The following TNC variants were observed in gnomAD, a reference collection of about 807,000 sequenced individuals.
The protein encoded by TNC is tenascin.
In TNC, 109 loss-of-function variants were observed where a neutral mutation model predicts 202.4. The observed-to-expected ratio is 0.54, with a 90% CI of 0.46 to 0.63. The LOEUF (loss-of-function observed/expected upper bound fraction) is 0.63. Among genes scored for constraint, TNC ranks in the 30% least tolerant of loss-of-function variants. The pLI, the probability that TNC is intolerant of heterozygous loss-of-function variation, is 0.00. For synonymous variants in TNC, 1,007 were observed against 1,089.7 expected (o/e 0.92, Z 1.50); for missense variants, 2,756 against 2,833.3 (o/e 0.97, Z 0.62).
intron 9 of TNC, among the ~76,000 whole-genome samples, chr9:115,074,914 C>T (rs992691631): frequency 6.6e-6 from 1 of 152,198 alleles, no homozygotes; most frequent in African/African-American, 2.4e-5. Context: ...ATGCAAGACG[C>T]TACCCTTGGG....
intron 24 of TNC, 77 bp downstream of exon 24, chr9:115,030,177 C>T: frequency 7.0e-7 from 1 of 1,423,644 alleles, no homozygotes; most frequent in South Asian, 1.5e-5. Context: ...GAGGAGATCA[C>T]CCTCTTCTCC....
chr9:115,065,118 G>A (rs899094822), intron 10 of TNC, among the ~76,000 whole-genome samples, 199 bp from the exon 11 acceptor site: 1 of 152,102 alleles, frequency 6.6e-6, no homozygotes, highest in African/African-American at 2.4e-5. Flanking sequence ...TTTTGTGGCC[G>A]GGCATGGTGG....
At chr9:115,056,203 AT>A (rs11409875) in intron 15 of TNC, among the ~76,000 whole-genome samples, 16,163 of 151,042 alleles carry the variant, frequency 0.11, 974 homozygotes, top group Middle Eastern at 0.2. Flanking sequence ...TGTAGACAAT[AT>A]TTTTTTTTCT....
Position 115,029,372 on chromosome 9 carries a change from C to A in TNC, c.6157G>T (p.Glu2053Ter). 6.2e-7 allele frequency: 1 copy of A among 1,614,096 alleles called. No homozygotes were observed. The highest frequency in any genetic ancestry group is 8.5e-7 in the Non-Finnish European group (1 of 1,179,994). The change falls in exon 25 of 28, where the codon GAA becomes TAA. Residue 2053 changes from glutamate to a stop codon, truncating the protein, a stop_gained. Transcript: ENST00000350763. LOFTEE classifies it high-confidence loss of function. ...YAAGFGDRRE[E>*]FWLGLDNLNK... ...AGGGCTGCATTACCAAGCCAGAATT[C>A]TTCTCTGCGGTCCCCAAATCCAGCA... is the stretch of plus-strand genomic sequence containing the variant.
chr9:115,075,302 G>T (rs1323783491), intron 9 of TNC, among the ~76,000 whole-genome samples: 1 of 152,154 alleles, frequency 6.6e-6, no homozygotes, highest in Non-Finnish European at 1.5e-5. Flanking sequence ...ACAGGTAAGT[G>T]CAGGGCCTGG....
intron 27 of TNC, among the ~76,000 whole-genome samples, chr9:115,023,128 G>C (rs1829213888): frequency 6.6e-6 from 1 of 151,838 alleles, no homozygotes; most frequent in South Asian, 2.1e-4. Flanking sequence ...TTGGCCCTTT[G>C]CATTTTTATA....
intron 1 of TNC, among the ~76,000 whole-genome samples, chr9:115,104,081 G>T (rs975429435): frequency 7.9e-5 from 12 of 152,136 alleles, no homozygotes; most frequent in African/African-American, 2.4e-4. Flanking sequence ...AGACAGAAAA[G>T]AAAATAAAAA....
chr9:115,029,470 G>T lies in TNC; in HGVS notation c.6073-14C>A, dbSNP rs1172485974. ...TCTCAGGAACACCTATAAACATATC[G>T]ATGAATCTGGGTGTACTTAAGCTAT... On this transcript the variant is annotated splice_polypyrimidine_tract_variant and intron_variant, in intron 24 of 27. Transcript: ENST00000350763. 1 of 1,612,620 alleles carries T rather than the reference G, an allele frequency of 6.2e-7. No individual in the cohort carries two copies. The highest frequency in any genetic ancestry group is 1.7e-5 in the Admixed American group (1 of 60,012).
At chr9:115,088,715 T>C (rs1030757965) in intron 2 of TNC, among the ~76,000 whole-genome samples, 5 of 151,978 alleles carry the variant, frequency 3.3e-5, no homozygotes, top group Non-Finnish European at 7.4e-5. Context: ...AAAAGCTGAT[T>C]TGTAAAGTGA....
intron 10 of TNC, among the ~76,000 whole-genome samples, chr9:115,066,136 T>C (rs1387383651): frequency 6.6e-6 from 1 of 152,100 alleles, no homozygotes; most frequent in Non-Finnish European, 1.5e-5. Flanking sequence ...AAAGAGGTCC[T>C]GGGAGAAGCA....
rs369955111 is a variant in TNC, at chr9:115,092,948, T to C, written c.-136-1794A>G. Among the ~76,000 whole-genome samples, 30 of 152,310 alleles carry C rather than the reference T, an allele frequency of 2.0e-4. No individual in the cohort carries two copies. In the East Asian group the frequency reaches 2.7e-3, roughly 14 times the overall value. On this transcript the variant is annotated intron_variant, in intron 1 of 27. Transcript: ENST00000350763. ...TTTCCCTATGCCCATGATATTCTTA[T>C]ACTCGCACACTGTAAGTTAGTTATT...
chr9:115,040,657 T>C (rs1830659814), intron 19 of TNC, among the ~76,000 whole-genome samples: 1 of 152,164 alleles, frequency 6.6e-6, no homozygotes, highest in Non-Finnish European at 1.5e-5. Flanking sequence ...CAGGTAAGTA[T>C]GACTCCCAAA....
At chr9:115,109,341 T>G (rs1836865056) in intron 1 of TNC, among the ~76,000 whole-genome samples, 1 of 152,238 alleles carries the variant, frequency 6.6e-6, no homozygotes, top group South Asian at 2.1e-4. Context: ...TAGGTGCTAC[T>G]ACTTTGCTTT....
chr9:115,077,962 G>C lies in TNC; in HGVS notation c.2655C>G (p.Ala885=). The C allele has an allele frequency of 6.2e-7, 1 of 1,614,132 alleles. No homozygotes were observed. Among genetic ancestry groups the C allele is most frequent in the South Asian group, 1.1e-5 (1 of 91,074 alleles). The change falls in exon 7 of 28, where the codon GCC becomes GCG. Residue 885 remains alanine (A), a synonymous_variant. Transcript: ENST00000350763. ...SRRGDMSSNP[A]KETFTTGLDA... Reference sequence around the variant, plus strand: ...TTTTACCTGTTGTGAAGGTCTCTTTGGCTGGGTTGCTTGACATGTCACCTC... The same window carrying C: ...TTTTACCTGTTGTGAAGGTCTCTTTCGCTGGGTTGCTTGACATGTCACCTC...
At position 115,030,880 on chromosome 9, in the gene TNC, C is replaced by G. The variant is rs547182716; in HGVS notation, c.5921-475G>C. Among the ~76,000 whole-genome samples, 5 of 152,308 alleles carry G rather than the reference C, an allele frequency of 3.3e-5. No individual in the cohort carries two copies. In the South Asian group the frequency reaches 1.0e-3, roughly 32 times the overall value. ...ATCAATGGAACAACTTGCAGGTTTG[C>G]TATCTGCAGAAGATACTTTGTGACA... On this transcript the variant is annotated intron_variant, in intron 23 of 27. Coordinates refer to ENST00000350763, the MANE Select transcript of TNC (RefSeq NM_002160.4).
intron 6 of TNC, among the ~76,000 whole-genome samples, chr9:115,079,109 A>G (rs910330507): frequency 1.3e-5 from 2 of 152,062 alleles, no homozygotes; most frequent in African/African-American, 4.8e-5. Context: ...GTACAGTTTG[A>G]GTCAATTTAG....
In TNC at chr9:115,081,937, T is replaced by C. The variant is rs1024941344; in HGVS notation, c.2248-9A>G. 2.5e-6 allele frequency: 4 copies of C among 1,580,190 alleles called. No homozygotes were observed. Among genetic ancestry groups the C allele is most frequent in the African/African-American group, 1.4e-5 (1 of 72,280 alleles). On this transcript the variant is annotated splice_polypyrimidine_tract_variant and intron_variant, in intron 5 of 27. Transcript: ENST00000350763. ...CCCTCATCTTCTTTATTCTGAGAGA[T>C]AGAGGCAGCTTGGTAAGAGTTAGGG...
chr9:115,083,832 T>C (rs1305210030), intron 4 of TNC, among the ~76,000 whole-genome samples: 1 of 152,170 alleles, frequency 6.6e-6, no homozygotes, highest in Non-Finnish European at 1.5e-5. Context: ...CTTGAACTCG[T>C]GACCCCAGGT....
At chr9:115,066,451 T>C (rs1832959548) in intron 10 of TNC, among the ~76,000 whole-genome samples, 1 of 152,254 alleles carries the variant, frequency 6.6e-6, no homozygotes, top group Non-Finnish European at 1.5e-5. Context: ...GGCTACTAAG[T>C]TGAAAATCTT....
Sources: allele counts gnomAD v4.1 joint callset (sites outside exome capture counted in the v4.1 genomes callset), GRCh38; gene constraint gnomAD v4.1.1; transcripts MANE v1.5; gene names NCBI Gene and HGNC (gene_info 2026-07-23, HGNC 2026-07-21).